The following VLDLR variants were observed in gnomAD, a reference collection of about 807,000 sequenced individuals.
VLDLR encodes the protein very low-density lipoprotein receptor.
Under a neutral mutation model 112.7 loss-of-function variants are expected in VLDLR, and 81 were observed. The ratio of observed to expected loss-of-function variants is 0.72; its 90% CI spans 0.60 to 0.86. VLDLR has a LOEUF of 0.86. Among genes scored for constraint, VLDLR ranks in the 40% least tolerant of loss-of-function variants. The pLI is 0.00. For missense variants in VLDLR, 1,237 were observed against 1,099.4 expected (o/e 1.13, Z -1.77); for synonymous variants, 436 against 384.8 (o/e 1.13, Z -1.56).
At position 2,654,693 on chromosome 9, in the gene VLDLR, C is replaced by T. The variant is rs925906128; in HGVS notation, c.*825C>T. 10 of 152,296 alleles carry T rather than the reference C, an allele frequency of 6.6e-5. No individual in the cohort carries two copies. In the South Asian group the frequency reaches 1.7e-3, roughly 25 times the overall value. 9.4% of individuals were successfully genotyped at this position (152,296 alleles called of 1,614,324 possible). A position where few individuals can be genotyped will look rare whatever the true frequency, so the allele number is the denominator to read the frequency against. On this transcript the variant is annotated 3_prime_UTR_variant, in exon 19 of 19. Transcript: ENST00000382100. Reference sequence around the variant, plus strand: ...ACTGTGTAAAAGAAGCTAGCTTAGTCTGTACCTAGAATTCCTCTTGGTTAG... The same window carrying T: ...ACTGTGTAAAAGAAGCTAGCTTAGTTTGTACCTAGAATTCCTCTTGGTTAG...
At chr9:2,653,115 C>CAGTTTT (rs1227741632) in intron 18 of VLDLR, among the ~76,000 whole-genome samples, 166 bp downstream of exon 18, 4 of 152,166 alleles carry the variant, frequency 2.6e-5, no homozygotes, top group Non-Finnish European at 5.9e-5. Flanking sequence ...ATAAGTCACT[C>CAGTTTT]AGTTGATCAG....
intron 1 of VLDLR, among the ~76,000 whole-genome samples, chr9:2,625,374 A>G (rs895281576): frequency 6.6e-6 from 1 of 152,226 alleles, no homozygotes; most frequent in African/African-American, 2.4e-5. Flanking sequence ...AAATACAGCT[A>G]ATTCATTTTA....
chr9:2,650,487 A>T lies in VLDLR; in HGVS notation c.2222A>T (p.Asn741Ile). The T allele has an allele frequency of 6.2e-7, 1 of 1,613,994 alleles. No homozygotes were observed. Among genetic ancestry groups the T allele is most frequent in the South Asian group, 1.1e-5 (1 of 91,070 alleles). The stretch of plus-strand genomic sequence containing the variant: ...ACCTGTTCCTGTCCCAGTGGGTACA[A>T]TGTAGAGGAAAATGGCCGAGACTGT... ...KYTCSCPSGY[N>I]VEENGRDCQS... Residue 741 changes from asparagine to isoleucine, a missense_variant, in exon 15 of 19, where the codon AAT becomes ATT. Transcript: ENST00000382100.
At chr9:2,622,523 C>T (rs889029139) in intron 1 of VLDLR, 10 of 428,324 alleles carry the variant, frequency 2.3e-5, no homozygotes, top group African/African-American at 2.1e-4. Context: ...GCCCCTCACT[C>T]CGCCTCCCCC....
intron 1 of VLDLR, among the ~76,000 whole-genome samples, chr9:2,628,164 CA>C (rs1208889577): frequency 1.3e-5 from 2 of 152,166 alleles, no homozygotes; most frequent in African/African-American, 4.8e-5. Context: ...AACTGCAGCC[CA>C]TGCCTTAGGG....
At chr9:2,637,814 G>A (rs927419179) in intron 2 of VLDLR, among the ~76,000 whole-genome samples, 2 of 152,096 alleles carry the variant, frequency 1.3e-5, no homozygotes, top group African/African-American at 4.8e-5. Flanking sequence ...ATGGTGGCAG[G>A]TGCCTGTAGT....
At chr9:2,627,473 A>C (rs546176991) in intron 1 of VLDLR, among the ~76,000 whole-genome samples, 55 of 152,158 alleles carry the variant, frequency 3.6e-4, no homozygotes, top group African/African-American at 1.3e-3. Context: ...AGGTGTTGGA[A>C]CCTCTCTTTT....
Position 2,645,132 on chromosome 9 carries a change from C to G in VLDLR, c.1312+50C>G, listed in dbSNP as rs1343773993. The G allele has an allele frequency of 1.9e-6, 3 of 1,613,046 alleles. No individual in the cohort carries two copies. The African/African-American group carries it at 4.0e-5, about 22-fold the overall frequency. ...CTGTTGTACCTTTATGAGTAAGTGCCTCTAAAAGGTACAGCCAGTGACTAC... is the reference window on the plus strand; with the variant it reads ...CTGTTGTACCTTTATGAGTAAGTGCGTCTAAAAGGTACAGCCAGTGACTAC... On this transcript the variant is annotated intron_variant, in intron 9 of 18. Coordinates refer to ENST00000382100, the MANE Select transcript of VLDLR (RefSeq NM_003383.5).
At chr9:2,629,507 T>C (rs73382840) in intron 1 of VLDLR, among the ~76,000 whole-genome samples, 1,563 of 152,348 alleles carry the variant, frequency 0.01, 24 homozygotes, top group African/African-American at 0.035. Flanking sequence ...CAAGTGACTG[T>C]ACTTTCCTTC....
chr9:2,640,905 A>G (rs1332993135), intron 3 of VLDLR, among the ~76,000 whole-genome samples: 1 of 152,226 alleles, frequency 6.6e-6, no homozygotes, highest in Non-Finnish European at 1.5e-5. Flanking sequence ...GCATGCTTCT[A>G]CTTTGCAAGA....
intron 11 of VLDLR, 140 bp downstream of exon 11, chr9:2,646,692 CAGT>C: frequency 2.2e-6 from 2 of 923,410 alleles, no homozygotes; most frequent in Non-Finnish European, 3.4e-6. Flanking sequence ...TTTAAGATAT[CAGT>C]TTTGCCCCAG....
intron 2 of VLDLR, among the ~76,000 whole-genome samples, chr9:2,637,195 A>C (rs894433055): frequency 6.6e-6 from 1 of 152,232 alleles, no homozygotes; most frequent in Non-Finnish European, 1.5e-5. Flanking sequence ...TTGTTTCTCT[A>C]TGGAAGAGGA....
In VLDLR at chr9:2,653,884, T is replaced by C. The variant is rs150475109; in HGVS notation, c.*16T>C. On this transcript the variant is annotated 3_prime_UTR_variant, in exon 19 of 19. Coordinates refer to ENST00000382100, the MANE Select transcript of VLDLR (RefSeq NM_003383.5). ...TCTAGCTTGACTTCTGTGACAAATG[T>C]TGACCTTTGAGGTCTAAACAAATAA... 733 of 1,613,892 alleles carry C rather than the reference T, an allele frequency of 4.5e-4. No individual in the cohort carries two copies. The highest frequency in any genetic ancestry group is 5.9e-4 in the Non-Finnish European group (699 of 1,179,790).
chr9:2,638,076 A>G (rs1054609934), intron 2 of VLDLR, among the ~76,000 whole-genome samples: 4 of 152,366 alleles, frequency 2.6e-5, no homozygotes, highest in Non-Finnish European at 5.9e-5. Flanking sequence ...CTAACCCTGC[A>G]GACCCTCTGA....
At chr9:2,631,692 G>T (rs1390894654) in intron 1 of VLDLR, among the ~76,000 whole-genome samples, 1 of 118,872 alleles carries the variant, frequency 8.4e-6, no homozygotes, top group Non-Finnish European at 1.7e-5. Flanking sequence ...GAAAGGAAGT[G>T]GGTTAAAGAA....
chr9:2,645,790 C>G, intron 10 of VLDLR, 45 bp downstream of exon 10: 1 of 1,611,466 alleles, frequency 6.2e-7, no homozygotes, highest in Non-Finnish European at 8.5e-7. Flanking sequence ...AAGTCATTGT[C>G]ACTTGGGAAG....
rs1167768733 is a variant in VLDLR, at chr9:2,651,895, T to C, written c.2357T>C (p.Val786Ala). 6.2e-7 allele frequency: 1 copy of C among 1,614,086 alleles called. No individual in the cohort carries two copies. ...VPGGINVTTAVSEVSVPPKGT... is the reference protein window; with the variant it reads ...VPGGINVTTAASEVSVPPKGT... ...GTAGGGATCAATGTGACCACAGCAGTATCAGAGGTCAGTGTTCCCCCAAAA... is the reference window on the plus strand; with the variant it reads ...GTAGGGATCAATGTGACCACAGCAGCATCAGAGGTCAGTGTTCCCCCAAAA... The change falls in exon 17 of 19, where the codon GTA (valine) becomes GCA (alanine). Residue 786 changes from valine (V) to alanine (A), a missense_variant. Coordinates refer to ENST00000382100, the MANE Select transcript of VLDLR (RefSeq NM_003383.5).
At chr9:2,644,463 C>G (rs773628477) in intron 7 of VLDLR, among the ~76,000 whole-genome samples, 10 of 151,824 alleles carry the variant, frequency 6.6e-5, no homozygotes, top group Non-Finnish European at 1.0e-4. Context: ...GCCACCGCGC[C>G]CGGCCCAAAC....
chr9:2,630,942 T>C (rs1279546297), intron 1 of VLDLR, among the ~76,000 whole-genome samples: 1 of 152,154 alleles, frequency 6.6e-6, no homozygotes, highest in Non-Finnish European at 1.5e-5. Flanking sequence ...AGGAGACTAA[T>C]ATCCAGAATA....
Sources: allele counts gnomAD v4.1 joint callset (sites outside exome capture counted in the v4.1 genomes callset), GRCh38; gene constraint gnomAD v4.1.1; transcripts MANE v1.5; gene names NCBI Gene and HGNC (gene_info 2026-07-23, HGNC 2026-07-21).